PITHD1: variants seen among roughly 807,000 people sequenced by gnomAD.
PITHD1 encodes the protein PITH domain-containing protein 1.
In PITHD1, 8 loss-of-function variants were observed where a neutral mutation model predicts 27.5. The observed-to-expected ratio is 0.29, with a 90% CI of 0.17 to 0.52. The LOEUF (loss-of-function observed/expected upper bound fraction) is 0.52, where lower values mean the gene tolerates loss of function less well. Among genes scored for constraint, PITHD1 ranks in the 20% least tolerant of loss-of-function variants. PITHD1 has a pLI of 0.96. For synonymous variants in PITHD1, 118 were observed against 106.8 expected, an observed-to-expected ratio of 1.10 and a Z score of -0.64; for missense variants, 233 against 283.9, an observed-to-expected ratio of 0.82 and a Z score of 1.29.
At chr1:23,783,396 T>TAC (rs1163742741) in intron 3 of PITHD1, among the ~76,000 whole-genome samples, 2 of 78,220 alleles carry the variant, frequency 2.6e-5, no homozygotes, top group African/African-American at 1.2e-4. Flanking sequence ...TATACATATA[T>TAC]ACGCATATAT....
chr1:23,778,435 G>T lies in PITHD1; in HGVS notation c.-81G>T. 2.1e-6 allele frequency: 2 copies of T among 970,436 alleles called. No homozygotes were observed. The highest frequency in any genetic ancestry group is 1.7e-5 in the African/African-American group (1 of 58,148). The allele number at this position is 970,436 out of a possible 1,614,324, so 60.1% of individuals were successfully genotyped here. The stretch of plus-strand genomic sequence containing the variant: ...GCGCGCTTAGTTGCCGGAGCTGAAC[G>T]GCGCGGAGCTGGTCTGAGGCGAGCC... On this transcript the variant is annotated 5_prime_UTR_variant, in exon 1 of 6. Coordinates refer to ENST00000246151, the MANE Select transcript of PITHD1 (RefSeq NM_020362.5).
intron 3 of PITHD1, among the ~76,000 whole-genome samples, chr1:23,784,238 T>TC (rs1358163542): frequency 4.4e-5 from 6 of 135,754 alleles, no homozygotes; most frequent in African/African-American, 1.4e-4. Context: ...TGCTTTCTTT[T>TC]TTTTTTTTTT....
At chr1:23,780,470 C>T (rs1216613441) in intron 3 of PITHD1, among the ~76,000 whole-genome samples, 1 of 152,190 alleles carries the variant, frequency 6.6e-6, no homozygotes, top group African/African-American at 2.4e-5. Flanking sequence ...TATTCCAGAA[C>T]AGCCTTCCTA....
intron 3 of PITHD1, among the ~76,000 whole-genome samples, chr1:23,781,546 C>T (rs1638601796): frequency 6.6e-6 from 1 of 151,432 alleles, no homozygotes; most frequent in East Asian, 1.9e-4. Context: ...GTATTAGAAA[C>T]ATGAATTTGA....
rs555351105 is a variant in PITHD1, at chr1:23,781,949, T to C, written c.320+2008T>C. ...CCCTCAGTTCTAAGCACACTACATA[T>C]ATTATACTTTATCAAATGTAAGATG... On this transcript the variant is annotated intron_variant, in intron 3 of 5. Transcript: ENST00000246151. Among the ~76,000 whole-genome samples the C allele has an allele frequency of 6.6e-5, 10 of 152,240 alleles. 1 individual carries two copies. The South Asian group carries it at 1.9e-3, about 28-fold the overall frequency.
chr1:23,784,931 T>C (rs1638661658), intron 3 of PITHD1, among the ~76,000 whole-genome samples: 1 of 152,226 alleles, frequency 6.6e-6, no homozygotes, highest in Admixed American at 6.5e-5. Context: ...AAAAAATGCT[T>C]GAGCATTGGG....
Position 23,787,461 on chromosome 1 carries a change from G to A in PITHD1, c.*85G>A, listed in dbSNP as rs1638703087. ...GGAAGGACAAAGGGATGAGGCTCCA[G>A]AGAGAGTTGGCTGCCACAGCCTCTG... On this transcript the variant is annotated 3_prime_UTR_variant, in exon 6 of 6. Transcript: ENST00000246151. 5.1e-6 allele frequency: 4 copies of A among 786,650 alleles called. No homozygotes were observed. Among genetic ancestry groups the A allele is most frequent in the Admixed American group, 4.3e-5 (2 of 46,078 alleles). The allele number at this position is 786,650 out of a possible 1,614,324, so 48.7% of individuals were successfully genotyped here.
Position 23,787,617 on chromosome 1 carries a change from G to C in PITHD1, c.*241G>C, listed in dbSNP as rs1028214856. ...CGCTGTGGAAATTGGGTCTTGGGCT[G>C]GGTGGCATCTGGCAGTCATGGGTAA... is the stretch of plus-strand genomic sequence containing the variant. On this transcript the variant is annotated 3_prime_UTR_variant, in exon 6 of 6. Coordinates refer to ENST00000246151, the MANE Select transcript of PITHD1 (RefSeq NM_020362.5). The C allele has an allele frequency of 1.9e-5, 6 of 311,182 alleles. No homozygotes were observed. The highest frequency in any genetic ancestry group is 3.6e-5 in the Non-Finnish European group (6 of 168,888). The allele number at this position is 311,182 out of a possible 1,614,324, so 19.3% of individuals were successfully genotyped here. A position where few individuals can be genotyped will look rare whatever the true frequency, so the allele number is the denominator to read the frequency against.
In PITHD1 at chr1:23,782,423, GA is replaced by G. The variant is rs796360932; in HGVS notation, c.320+2494del. Among the ~76,000 whole-genome samples the G allele has an allele frequency of 5.0e-3, 646 of 129,322 alleles. 4 individuals are homozygous for G. The highest frequency in any genetic ancestry group is 0.013 in the African/African-American group (470 of 35,130). 84.8% of individuals were successfully genotyped at this position (129,322 alleles called of 152,430 possible). Reference sequence around the variant, plus strand: ...GACAGTGCAAGACTCTGTCTCAAAAGAAAAAAAAAAAAGAATTACCACTGGG... The same window carrying G: ...GACAGTGCAAGACTCTGTCTCAAAAGAAAAAAAAAAAGAATTACCACTGGG... On this transcript the variant is annotated intron_variant, in intron 3 of 5. Coordinates refer to ENST00000246151, the MANE Select transcript of PITHD1 (RefSeq NM_020362.5).
rs763307304 is a variant in PITHD1, at chr1:23,778,605, C to T, written c.90C>T (p.Gly30=). ...CCGAGCAGCGCGGCCTGGCCTACGGCCTGTACCTGCGCATCGACCTGGAGC... is the reference window on the plus strand; with the variant it reads ...CCGAGCAGCGCGGCCTGGCCTACGGTCTGTACCTGCGCATCGACCTGGAGC... The part of the protein sequence containing the change: ...EPPEQRGLAY[G]LYLRIDLERL... The change falls in exon 1 of 6, where the codon GGC becomes GGT. Residue 30 remains glycine (G), a synonymous_variant. Transcript: ENST00000246151. 3.0e-6 allele frequency: 4 copies of T among 1,333,536 alleles called. No individual in the cohort carries two copies. Among genetic ancestry groups the T allele is most frequent in the South Asian group, 4.0e-5 (2 of 50,292 alleles). 82.6% of individuals were successfully genotyped at this position (1,333,536 alleles called of 1,614,324 possible). A position where few individuals can be genotyped will look rare whatever the true frequency, so the allele number is the denominator to read the frequency against.
At chr1:23,787,228 G>T in intron 5 of PITHD1, 47 bp from the exon 6 acceptor site, 1 of 1,256,914 alleles carries the variant, frequency 8.0e-7, no homozygotes, top group Non-Finnish European at 1.2e-6. Context: ...TGTGGGAAAG[G>T]ACAGTTCTTT....
At position 23,778,423 on chromosome 1, in the gene PITHD1, C is replaced by CCGGAGCTGAACGGCG; in HGVS notation, c.-84_-70dup. The CCGGAGCTGAACGGCG allele has an allele frequency of 1.4e-6, 1 of 717,704 alleles. No individual in the cohort carries two copies. Among genetic ancestry groups the CCGGAGCTGAACGGCG allele is most frequent in the Non-Finnish European group, 1.7e-6 (1 of 575,212 alleles). The allele number at this position is 717,704 out of a possible 1,614,324, so 44.5% of individuals were successfully genotyped here. On this transcript the variant is annotated 5_prime_UTR_variant, in exon 1 of 6. Transcript: ENST00000246151. ...GCGGCAGGCGCGGCGCGCTTAGTTGCCGGAGCTGAACGGCGCGGAGCTGGT... is the reference window on the plus strand; with the variant it reads ...GCGGCAGGCGCGGCGCGCTTAGTTGCCGGAGCTGAACGGCGCGGAGCTGAACGGCGCGGAGCTGGT...
intron 3 of PITHD1, among the ~76,000 whole-genome samples, chr1:23,783,329 A>G (rs190117210): frequency 1.3e-4 from 20 of 149,814 alleles, no homozygotes; most frequent in East Asian, 3.9e-4. Flanking sequence ...ATATATATAC[A>G]CATATATGTG....
chr1:23,787,656 AGTT>A lies in PITHD1; in HGVS notation c.*281_*283del, dbSNP rs1479569568. The A allele has an allele frequency of 4.2e-6, 1 of 238,704 alleles. No homozygotes were observed. Among genetic ancestry groups the A allele is most frequent in the Non-Finnish European group, 8.1e-6 (1 of 123,710 alleles). The allele number at this position is 238,704 out of a possible 1,614,324, so 14.8% of individuals were successfully genotyped here. On this transcript the variant is annotated 3_prime_UTR_variant, in exon 6 of 6. Coordinates refer to ENST00000246151, the MANE Select transcript of PITHD1 (RefSeq NM_020362.5). ...AGTCATGGGTAACACTTGCTTTTCC[AGTT>A]AATGTGGCCATGTGATTCCAAGTGT...
At position 23,786,314 on chromosome 1, in the gene PITHD1, G is replaced by A. The variant is rs1359128839; in HGVS notation, c.426-1G>A. The A allele has an allele frequency of 9.1e-6, 13 of 1,431,498 alleles. No individual in the cohort carries two copies. Among genetic ancestry groups the A allele is most frequent in the Non-Finnish European group, 1.3e-5 (13 of 1,020,350 alleles). 88.7% of individuals were successfully genotyped at this position (1,431,498 alleles called of 1,614,324 possible). A position where few individuals can be genotyped will look rare whatever the true frequency, so the allele number is the denominator to read the frequency against. On this transcript the variant is annotated splice_acceptor_variant, in intron 4 of 5. Transcript: ENST00000246151. LOFTEE classifies it high-confidence loss of function. ...CTTTCCCTATTCCTGTCATCCTCTA[G>A]AATTTCTCGTTTTTCAAATGTCTAT...
At position 23,787,423 on chromosome 1, in the gene PITHD1, C is replaced by G; in HGVS notation, c.*47C>G. On this transcript the variant is annotated 3_prime_UTR_variant, in exon 6 of 6. Transcript: ENST00000246151. ...GAGGCGCTGTGTCAGTGAAGATGTA[C>G]GACTACCTGTTGGGAAGGACAAAGG... The G allele has an allele frequency of 9.4e-7, 1 of 1,064,566 alleles. No individual in the cohort carries two copies. The allele number at this position is 1,064,566 out of a possible 1,614,324, so 65.9% of individuals were successfully genotyped here.
intron 3 of PITHD1, among the ~76,000 whole-genome samples, chr1:23,783,430 C>CGTGTGTGTGTGT (rs35540755): frequency 8.2e-5 from 11 of 134,382 alleles, no homozygotes; most frequent in African/African-American, 3.2e-4. Context: ...CGTATATATA[C>CGTGTGTGTGTGT]GTGTGTGTGT....
intron 3 of PITHD1, among the ~76,000 whole-genome samples, chr1:23,782,703 G>T (rs1484690241): frequency 3.5e-4 from 53 of 151,952 alleles, no homozygotes; most frequent in Non-Finnish European, 8.8e-5. Context: ...CTCAGTTCAA[G>T]CAATCCTCCC....
chr1:23,787,216 G>A, intron 5 of PITHD1, 59 bp from the exon 6 acceptor site: 1 of 1,040,404 alleles, frequency 9.6e-7, no homozygotes, highest in Non-Finnish European at 1.5e-6. Context: ...CAATGTGTGT[G>A]GTGTGGGAAA....
Sources: gnomAD v4.1 joint callset for allele counts (sites outside exome capture counted in the v4.1 genomes callset) on GRCh38, gnomAD v4.1.1 for gene constraint, MANE v1.5 for transcripts, NCBI Gene and HGNC (gene_info 2026-07-23, HGNC 2026-07-21) for gene names.